ABCA13: variants seen among roughly 807,000 people sequenced by gnomAD.
ABCA13 encodes the protein ATP binding cassette subfamily A member 13, also known as ATP-binding cassette sub-family A member 13.
A neutral mutation model predicts 478.7 loss-of-function variants in ABCA13; 476 were observed. The observed-to-expected ratio is 0.99, with a 90% confidence interval of 0.92 to 1.07. ABCA13 has a LOEUF of 1.07. Among genes scored for constraint, ABCA13 ranks in the 50% least tolerant of loss-of-function variants. The pLI, the probability that ABCA13 is intolerant of heterozygous loss-of-function variation, is 0.00. For synonymous variants in ABCA13, 2,252 were observed against 2,158.9 expected, an observed-to-expected ratio of 1.04 and a Z score of -1.20; for missense variants, 6,060 against 5,910.6, an observed-to-expected ratio of 1.03 and a Z score of -0.83.
intron 40 of ABCA13, among the ~76,000 whole-genome samples, chr7:48,411,241 C>CTCTT (rs144210825): frequency 0.12 from 13,357 of 115,294 alleles, 1,726 homozygotes; most frequent in Non-Finnish European, 0.15. Flanking sequence ...TTCTTTCTTT[C>CTCTT]TCTTTCTGTT....
chr7:48,277,317 CA>C (rs1392828862), intron 17 of ABCA13, among the ~76,000 whole-genome samples: 2 of 152,118 alleles, frequency 1.3e-5, no homozygotes, highest in African/African-American at 4.8e-5. Flanking sequence ...GAAGGAAGAC[CA>C]GGGGAAGGGA....
chr7:48,539,572 T>C (rs1258737738), intron 55 of ABCA13, among the ~76,000 whole-genome samples: 1 of 152,182 alleles, frequency 6.6e-6, no homozygotes, highest in Non-Finnish European at 1.5e-5. Flanking sequence ...CAGATTAGGT[T>C]TTCATGTATT....
chr7:48,195,921 G>A (rs1239997276), intron 2 of ABCA13, among the ~76,000 whole-genome samples: 1 of 152,086 alleles, frequency 6.6e-6, no homozygotes, highest in Non-Finnish European at 1.5e-5. Context: ...GGGATAGGAT[G>A]AGGAGGGCCA....
chr7:48,573,456 G>T (rs1010965087), intron 55 of ABCA13, among the ~76,000 whole-genome samples: 5 of 151,998 alleles, frequency 3.3e-5, no homozygotes, highest in African/African-American at 1.2e-4. Flanking sequence ...AGTGCTCTGG[G>T]AGGTTAAGAT....
At position 48,278,159 on chromosome 7, in the gene ABCA13, A is replaced by G. The variant is rs1297791764; in HGVS notation, c.6965A>G (p.Gln2322Arg). Residue 2322 changes from glutamine to arginine, a missense_variant, in exon 18 of 62, where the codon CAA (glutamine) becomes CGA (arginine). By Grantham distance (43) the Gln-to-Arg change is conservative. Around this residue, in one of 3 missense-constraint regions of ABCA13, gnomAD observed 4,423 missense variants for 4,309.1 expected, o/e 1.03. Coordinates refer to ENST00000435803, the MANE Select transcript of ABCA13 (RefSeq NM_152701.5). ...GATCAATTTCTTACCCTGATGATAC[A>G]AGACAGATTGATGAACATTTTTTCA... The part of the protein sequence containing the change: ...KLDQFLTLMI[Q>R]DRLMNIFSSL... 6.5e-7 allele frequency: 1 copy of G among 1,540,068 alleles called. No individual in the cohort carries two copies. The highest frequency in any genetic ancestry group is 1.4e-5 in the African/African-American group (1 of 72,316).
At chr7:48,519,826 A>C (rs1832408691) in intron 52 of ABCA13, among the ~76,000 whole-genome samples, 1 of 152,228 alleles carries the variant, frequency 6.6e-6, no homozygotes, top group Non-Finnish European at 1.5e-5. Flanking sequence ...GTTCTCAAGC[A>C]AGAAAACCTT....
intron 56 of ABCA13, among the ~76,000 whole-genome samples, 176 bp downstream of exon 56, chr7:48,580,550 T>C (rs556140844): frequency 7.2e-5 from 11 of 152,296 alleles, no homozygotes; most frequent in Non-Finnish European, 1.5e-4. Context: ...TAAATATATT[T>C]CCCTTATTTT....
chr7:48,484,196 G>A (rs1477368368), intron 47 of ABCA13, among the ~76,000 whole-genome samples: 1 of 152,168 alleles, frequency 6.6e-6, no homozygotes, highest in Admixed American at 6.5e-5. Context: ...TGATGAGACA[G>A]TCATACTTCA....
intron 1 of ABCA13, among the ~76,000 whole-genome samples, chr7:48,180,401 C>T (rs1795507313): frequency 6.6e-6 from 1 of 152,140 alleles, no homozygotes; most frequent in South Asian, 2.1e-4. Flanking sequence ...CTTGATACAT[C>T]ACATCATATT....
chr7:48,521,265 C>T (rs563867893), intron 53 of ABCA13, among the ~76,000 whole-genome samples: 6 of 152,080 alleles, frequency 3.9e-5, no homozygotes, highest in South Asian at 4.2e-4. Flanking sequence ...TATGTATTTC[C>T]GTCTGACCTC....
At chr7:48,567,048 C>A (rs17132460) in intron 55 of ABCA13, among the ~76,000 whole-genome samples, 20,148 of 152,128 alleles carry the variant, frequency 0.13, 1,651 homozygotes, top group African/African-American at 0.2. Context: ...TGCAAAGCAA[C>A]TGCAACCATT....
intron 31 of ABCA13, among the ~76,000 whole-genome samples, chr7:48,356,109 T>A (rs1303342236): frequency 6.6e-6 from 1 of 151,926 alleles, no homozygotes; most frequent in Non-Finnish European, 1.5e-5. Context: ...GAGTGTGGAA[T>A]CCTGGAGGTC....
At chr7:48,535,585 G>T (rs1279322742) in intron 55 of ABCA13, among the ~76,000 whole-genome samples, 1 of 152,138 alleles carries the variant, frequency 6.6e-6, no homozygotes, top group East Asian at 1.9e-4. Context: ...GAGATTATGT[G>T]CTTTATCTTC....
Position 48,282,768 on chromosome 7 carries a change from C to T in ABCA13, c.8836+1316C>T, listed in dbSNP as rs569594066. On this transcript the variant is annotated intron_variant, in intron 19 of 61. Transcript: ENST00000435803. ...TCTTCACCTACCCTGTCTGGGGTCA[C>T]ATGGCCTTAGCTCCTTGTTATGGCT... Among the ~76,000 whole-genome samples, 7 of 152,298 alleles carry T rather than the reference C, an allele frequency of 4.6e-5. No homozygotes were observed. The East Asian group carries it at 1.3e-3, about 29-fold the overall frequency.
chr7:48,574,687 T>G, intron 55 of ABCA13, among the ~76,000 whole-genome samples: 1 of 152,218 alleles, frequency 6.6e-6, no homozygotes, highest in East Asian at 1.9e-4. Context: ...ACAGCTTTGC[T>G]TAGCTCCTCT....
At position 48,171,534 on chromosome 7, in the gene ABCA13, C is replaced by T. The variant is rs1562692210; in HGVS notation, c.51C>T (p.Leu17=). 1 of 1,536,366 alleles carries T rather than the reference C, an allele frequency of 6.5e-7. No individual in the cohort carries two copies. Among genetic ancestry groups the T allele is most frequent in the Non-Finnish European group, 8.7e-7 (1 of 1,146,910 alleles). ...QFKALLWKNW[L]CRLRNPVLFL... ...AAGCCCTGCTGTGGAAGAATTGGCT[C>T]TGCAGACTCAGGAACCCGGTGAGTG... The change falls in exon 1 of 62, where the codon CTC becomes CTT. Residue 17 remains leucine (L), a synonymous_variant. Transcript: ENST00000435803.
chr7:48,631,514 G>A (rs930508382), intron 59 of ABCA13, among the ~76,000 whole-genome samples: 1 of 151,924 alleles, frequency 6.6e-6, no homozygotes, highest in African/African-American at 2.4e-5. Context: ...TGGTCTATGT[G>A]TCTGTTTTTG....
At chr7:48,229,006 A>C (rs894693557) in intron 6 of ABCA13, among the ~76,000 whole-genome samples, 1 of 152,176 alleles carries the variant, frequency 6.6e-6, no homozygotes, top group Non-Finnish European at 1.5e-5. Flanking sequence ...AGTATTTGCA[A>C]GTGGTACCAG....
chr7:48,516,266 A>G (rs1832100060), intron 51 of ABCA13, among the ~76,000 whole-genome samples: 1 of 152,190 alleles, frequency 6.6e-6, no homozygotes, highest in Admixed American at 6.5e-5. Flanking sequence ...ACAATTCATC[A>G]GTTTTAAAGG....
Sources: gnomAD v4.1 joint callset for allele counts (sites outside exome capture counted in the v4.1 genomes callset) on GRCh38, gnomAD v4.1.1 for gene constraint, gnomAD v4.1.1 regional missense constraint, MANE v1.5 for transcripts, NCBI Gene and HGNC (gene_info 2026-07-23, HGNC 2026-07-21) for gene names.